STX6: variants seen among roughly 807,000 people sequenced by gnomAD.
STX6 encodes the protein syntaxin 6.
STX6 carries 23 observed loss-of-function variants against 38.0 expected under a neutral mutation model. The observed-to-expected ratio is 0.60, with a 90% confidence interval of 0.43 to 0.86. The LOEUF (loss-of-function observed/expected upper bound fraction) is 0.86. STX6 is among the 40% of genes least tolerant of loss of function. The probability of loss-of-function intolerance (pLI) is 0.00; values close to 1 mark genes in which losing one functional copy is unlikely to be tolerated. For synonymous variants in STX6, 123 were observed against 107.5 expected, an observed-to-expected ratio of 1.14 and a Z score of -0.89; for missense variants, 274 against 312.9, an observed-to-expected ratio of 0.88 and a Z score of 0.94.
rs376108273 is a variant in STX6, at chr1:180,990,074, G to A, written c.399C>T (p.Ser133=). 1 of 1,614,014 alleles carries A rather than the reference G, an allele frequency of 6.2e-7. No homozygotes were observed. The highest frequency in any genetic ancestry group is 8.5e-7 in the Non-Finnish European group (1 of 1,180,000). Residue 133 remains serine (S), a synonymous_variant, in exon 5 of 8, where the codon AGC becomes AGT. Transcript: ENST00000258301. ...GCCCATATTTATCTGTTGTTCCAGT[G>A]CTCCAGTTCTGGCTGCCACTGTCTC... The part of the protein sequence containing the change: ...LLGDSGSQNW[S]TGTTDKYGRL...
intron 1 of STX6, among the ~76,000 whole-genome samples, chr1:181,011,948 G>C (rs1264269377): frequency 6.6e-6 from 1 of 152,226 alleles, no homozygotes; most frequent in Non-Finnish European, 1.5e-5. Context: ...TCTCCAGAAA[G>C]GTGACAATCA....
rs934988955 is a variant in STX6, at chr1:180,975,687, AAGTGTGT to A, written c.*876_*882del. The A allele has an allele frequency of 6.6e-6, 1 of 152,196 alleles. No homozygotes were observed. Among genetic ancestry groups the A allele is most frequent in the African/African-American group, 2.4e-5 (1 of 41,442 alleles). The allele number at this position is 152,196 out of a possible 1,614,324, so 9.4% of individuals were successfully genotyped here. A position where few individuals can be genotyped will look rare whatever the true frequency, so the allele number is the denominator to read the frequency against. ...GACAATCTGGTATCCAAATTCATTC[AAGTGTGT>A]TACTGAGCTGTTTAGCAACAACATA... is the stretch of plus-strand genomic sequence containing the variant. On this transcript the variant is annotated 3_prime_UTR_variant, in exon 8 of 8. Transcript: ENST00000258301.
Position 180,974,113 on chromosome 1 carries a change from A to T in STX6, c.*2457T>A, listed in dbSNP as rs1049770950. On this transcript the variant is annotated 3_prime_UTR_variant, in exon 8 of 8. Transcript: ENST00000258301. ...GGAGGAAATATTTGTCCTTAAAAAT[A>T]AATGTAGGTTCCCTGGATTGTTCTC... is the stretch of plus-strand genomic sequence containing the variant. 6.6e-6 allele frequency: 1 copy of T among 152,224 alleles called. No homozygotes were observed. Among genetic ancestry groups the T allele is most frequent in the Admixed American group, 6.5e-5 (1 of 15,286 alleles). 9.4% of individuals were successfully genotyped at this position (152,224 alleles called of 1,614,324 possible).
intron 1 of STX6, among the ~76,000 whole-genome samples, chr1:181,010,594 G>A (rs1377508567): frequency 2.6e-5 from 4 of 151,830 alleles, no homozygotes; most frequent in Non-Finnish European, 4.4e-5. Flanking sequence ...GAGCCTCCGC[G>A]CCCGGCCTCA....
intron 2 of STX6, 122 bp from the exon 3 acceptor site, chr1:181,002,822 C>G: frequency 1.6e-6 from 1 of 635,118 alleles, no homozygotes; most frequent in Admixed American, 2.5e-5. Context: ...AAAACACAGT[C>G]AGCTGGACAC....
intron 1 of STX6, among the ~76,000 whole-genome samples, chr1:181,016,079 A>C (rs1656547801): frequency 6.6e-6 from 1 of 152,252 alleles, no homozygotes; most frequent in African/African-American, 2.4e-5. Context: ...AATTTATGAT[A>C]GAAATCAGAT....
At chr1:181,010,394 C>T (rs1276493687) in intron 1 of STX6, among the ~76,000 whole-genome samples, 2 of 152,020 alleles carry the variant, frequency 1.3e-5, no homozygotes, top group African/African-American at 2.4e-5. Context: ...CTCCACCTCC[C>T]GGGTTCAATC....
rs551716644 is a variant in STX6, at chr1:181,006,675, T to C, written c.36-1212A>G. ...AAAAACGTGTTCTAGCTGATTAGGG[T>C]GTTTGTTGTCTATGGCTTTAAAACA... On this transcript the variant is annotated intron_variant, in intron 1 of 7. Coordinates refer to ENST00000258301, the MANE Select transcript of STX6 (RefSeq NM_005819.6). Among the ~76,000 whole-genome samples, 11 of 152,172 alleles carry C rather than the reference T, an allele frequency of 7.2e-5. 1 individual carries two copies. The South Asian group carries it at 1.9e-3, about 26-fold the overall frequency.
intron 2 of STX6, among the ~76,000 whole-genome samples, chr1:181,003,979 AT>A (rs1656154462): frequency 1.3e-5 from 2 of 152,194 alleles, no homozygotes; most frequent in Non-Finnish European, 2.9e-5. Context: ...CTACAAAAAG[AT>A]TTTTTGATCT....
rs766702307 is a variant in STX6 at position 180,976,405 on chromosome 1, G to A, written c.*165C>T. 3.2e-5 allele frequency: 21 copies of A among 655,838 alleles called. No homozygotes were observed. Among genetic ancestry groups the A allele is most frequent in the Non-Finnish European group, 5.4e-5 (20 of 369,122 alleles). The allele number at this position is 655,838 out of a possible 1,614,324, so 40.6% of individuals were successfully genotyped here. A position where few individuals can be genotyped will look rare whatever the true frequency, so the allele number is the denominator to read the frequency against. On this transcript the variant is annotated 3_prime_UTR_variant, in exon 8 of 8. Coordinates refer to ENST00000258301, the MANE Select transcript of STX6 (RefSeq NM_005819.6). Reference sequence around the variant, plus strand: ...TCTTCCCACTGGCCCTTCCAGCGCTGGGATGGAGGAGCCATGTCAATTGTG... The same window carrying A: ...TCTTCCCACTGGCCCTTCCAGCGCTAGGATGGAGGAGCCATGTCAATTGTG...
intron 4 of STX6, 130 bp from the exon 5 acceptor site, chr1:180,990,239 T>A: frequency 1.7e-6 from 2 of 1,173,778 alleles, no homozygotes; most frequent in Non-Finnish European, 1.2e-6. Flanking sequence ...AAGGCTTTTA[T>A]GTAGTGGTGT....
intron 1 of STX6, among the ~76,000 whole-genome samples, chr1:181,022,188 T>C (rs1048399096): frequency 4.2e-5 from 6 of 144,146 alleles, no homozygotes; most frequent in Non-Finnish European, 4.5e-5. Context: ...CCAAACTCAA[T>C]GGACAATGGA....
intron 3 of STX6, among the ~76,000 whole-genome samples, chr1:181,000,249 T>C (rs954494313): frequency 5.9e-5 from 9 of 152,248 alleles, no homozygotes; most frequent in African/African-American, 2.2e-4. Context: ...TGACTTGATT[T>C]GGAATACCTC....
intron 3 of STX6, among the ~76,000 whole-genome samples, chr1:180,995,347 T>A (rs1023775401): frequency 6.6e-6 from 1 of 152,050 alleles, no homozygotes; most frequent in Non-Finnish European, 1.5e-5. Flanking sequence ...ACAAGCCCCC[T>A]CCCCATCCCC....
chr1:180,992,993 C>G (rs75243875), intron 4 of STX6, among the ~76,000 whole-genome samples: 1 of 152,168 alleles, frequency 6.6e-6, no homozygotes, highest in East Asian at 1.9e-4. Flanking sequence ...GGCCTGGAGC[C>G]CAGCAGAGAG....
intron 6 of STX6, among the ~76,000 whole-genome samples, chr1:180,985,689 T>C (rs1020024183): frequency 1.3e-5 from 2 of 152,248 alleles, no homozygotes; most frequent in African/African-American, 4.8e-5. Context: ...AAATACTATT[T>C]CAGCAGTGCC....
intron 4 of STX6, among the ~76,000 whole-genome samples, chr1:180,991,653 T>A (rs761261378): frequency 6.6e-6 from 1 of 152,140 alleles, no homozygotes; most frequent in Non-Finnish European, 1.5e-5. Flanking sequence ...TTTGTGATAA[T>A]AGGATAGAGA....
At chr1:180,985,172 A>C (rs1655538317) in intron 6 of STX6, among the ~76,000 whole-genome samples, 1 of 152,116 alleles carries the variant, frequency 6.6e-6, no homozygotes, top group African/African-American at 2.4e-5. Flanking sequence ...ATTTCTTTAG[A>C]GCTTCCTAGA....
intron 7 of STX6, among the ~76,000 whole-genome samples, chr1:180,981,078 GT>G (rs990626668): frequency 2.6e-5 from 4 of 152,226 alleles, no homozygotes; most frequent in Non-Finnish European, 4.4e-5. Flanking sequence ...AAACAGCTCT[GT>G]GTGATGCTAC....
Sources: allele counts gnomAD v4.1 joint callset (sites outside exome capture counted in the v4.1 genomes callset), GRCh38; gene constraint gnomAD v4.1.1; transcripts MANE v1.5; gene names NCBI Gene and HGNC (gene_info 2026-07-23, HGNC 2026-07-21).